SLC25A48: variants seen among roughly 807,000 people sequenced by gnomAD.
The protein encoded by SLC25A48 is CTC-321K16.1.
In SLC25A48, 29 loss-of-function variants were observed where a neutral mutation model predicts 32.2. The observed-to-expected ratio is 0.90, with a 90% CI of 0.67 to 1.23. The LOEUF is 1.23. Among genes scored for constraint, SLC25A48 ranks in the 50% most tolerant of loss-of-function variants. The probability of loss-of-function intolerance (pLI) is 0.00; values close to 1 mark genes in which losing one functional copy is unlikely to be tolerated. For synonymous variants in SLC25A48, 164 were observed against 172.3 expected (o/e 0.95, Z 0.38); for missense variants, 399 against 422.7 (o/e 0.94, Z 0.49).
chr5:135,870,682 C>T (rs781259656), intron 4 of SLC25A48, among the ~76,000 whole-genome samples: 3 of 152,120 alleles, frequency 2.0e-5, no homozygotes, highest in Non-Finnish European at 4.4e-5. Flanking sequence ...GTCCTGCCAC[C>T]AATTCATGTC....
chr5:135,642,792 A>G (rs918479375), intron 3 of SLC25A48, among the ~76,000 whole-genome samples: 4 of 152,104 alleles, frequency 2.6e-5, no homozygotes, highest in African/African-American at 9.7e-5. Flanking sequence ...ACAAAAGGGG[A>G]ACTGAGGATG....
intron 3 of SLC25A48, among the ~76,000 whole-genome samples, chr5:135,660,919 T>C (rs911474175): frequency 6.6e-6 from 1 of 152,124 alleles, no homozygotes; most frequent in African/African-American, 2.4e-5. Flanking sequence ...ACTCAGTAAT[T>C]GTTGGTTATG....
intron 3 of SLC25A48, among the ~76,000 whole-genome samples, chr5:135,757,697 AT>A (rs1163152832): frequency 4.0e-5 from 6 of 149,948 alleles, no homozygotes; most frequent in African/African-American, 2.4e-5. Flanking sequence ...TATTAATAAA[AT>A]ATCATCTAGA....
intron 2 of SLC25A48, among the ~76,000 whole-genome samples, chr5:135,630,163 G>C (rs1752523560): frequency 6.6e-6 from 1 of 152,198 alleles, no homozygotes; most frequent in African/African-American, 2.4e-5. Flanking sequence ...GCAGGCCATA[G>C]TCACCTTTCT....
intron 5 of SLC25A48, chr5:135,872,178 C>T (rs1341701686): frequency 2.7e-6 from 1 of 367,042 alleles, no homozygotes; most frequent in Middle Eastern, 7.2e-4. Context: ...CAGGACTCTG[C>T]AGTCAGAAAG....
chr5:135,847,167 T>C (rs1351469303), intron 2 of SLC25A48, among the ~76,000 whole-genome samples: 1 of 152,220 alleles, frequency 6.6e-6, no homozygotes, highest in Non-Finnish European at 1.5e-5. Context: ...GCACTGAAGC[T>C]GGGCTAGGGA....
chr5:135,866,005 T>C (rs1393353257), intron 4 of SLC25A48, among the ~76,000 whole-genome samples: 1 of 152,240 alleles, frequency 6.6e-6, no homozygotes, highest in African/African-American at 2.4e-5. Flanking sequence ...CAATGCATAA[T>C]GCTCATGGAT....
At chr5:135,884,221 T>A (rs1029815038) in intron 7 of SLC25A48, among the ~76,000 whole-genome samples, 8 of 152,168 alleles carry the variant, frequency 5.3e-5, no homozygotes, top group African/African-American at 1.9e-4. Context: ...TTGGGCCATG[T>A]CTCTGAAAAA....
chr5:135,847,195 C>A (rs1417298334), intron 2 of SLC25A48, among the ~76,000 whole-genome samples: 7 of 152,198 alleles, frequency 4.6e-5, no homozygotes, highest in Admixed American at 1.3e-4. Flanking sequence ...TCTCTTCTCT[C>A]TTGCCTTTCA....
At chr5:135,676,860 T>C (rs1262463061) in intron 3 of SLC25A48, among the ~76,000 whole-genome samples, 1 of 152,064 alleles carries the variant, frequency 6.6e-6, no homozygotes, top group Non-Finnish European at 1.5e-5. Context: ...TTGAGATTTG[T>C]TTTGTGTCTT....
rs138516402 is a variant in SLC25A48 at position 135,806,783 on chromosome 5, G to C, written c.-520-5740G>C. Among the ~76,000 whole-genome samples, 145 of 149,224 alleles carry C rather than the reference G, an allele frequency of 9.7e-4. No homozygotes were observed. The South Asian group carries it at 0.014, about 14-fold the overall frequency. On this transcript the variant is annotated intron_variant, in intron 3 of 10. Transcript: ENST00000646290. ...TTAATATCATAGTGTGTTAAAACTA[G>C]ACATTATAAATATCATTATATTTTA...
chr5:135,621,369 TCAAA>T (rs1752321466), intron 1 of SLC25A48, among the ~76,000 whole-genome samples: 1 of 152,184 alleles, frequency 6.6e-6, no homozygotes, highest in Non-Finnish European at 1.5e-5. Context: ...TATGGGAATA[TCAAA>T]CAAAATTCTA....
chr5:135,879,716 C>G (rs1283927038), intron 6 of SLC25A48, among the ~76,000 whole-genome samples: 2 of 152,000 alleles, frequency 1.3e-5, no homozygotes, highest in Non-Finnish European at 2.9e-5. Flanking sequence ...TTGCCTGGCC[C>G]AACAGCTTAC....
Position 135,721,032 on chromosome 5 carries a change from C to T in SLC25A48, c.-521+86076C>T, listed in dbSNP as rs150547528. Among the ~76,000 whole-genome samples, 89 of 151,626 alleles carry T rather than the reference C, an allele frequency of 5.9e-4. No individual in the cohort carries two copies. The East Asian group carries it at 0.017, about 28-fold the overall frequency. On this transcript the variant is annotated intron_variant, in intron 3 of 10. Transcript: ENST00000646290. ...GCTAGAGGGCTCTGAGCTCCCATTC[C>T]CTTTTTTATTTTTATTTTTATTTAT...
At chr5:135,626,816 A>G (rs1474314594) in intron 1 of SLC25A48, among the ~76,000 whole-genome samples, 4 of 152,090 alleles carry the variant, frequency 2.6e-5, no homozygotes, top group Non-Finnish European at 5.9e-5. Flanking sequence ...CCCTGGACAT[A>G]TTGCCAAGTT....
intron 3 of SLC25A48, among the ~76,000 whole-genome samples, chr5:135,696,651 C>A (rs149525195): frequency 5.9e-4 from 90 of 152,354 alleles, no homozygotes; most frequent in African/African-American, 2.1e-3. Context: ...GAGGCAGGTT[C>A]TAACCTTGGA....
At chr5:135,867,961 G>A (rs1260131072) in intron 4 of SLC25A48, among the ~76,000 whole-genome samples, 2 of 152,188 alleles carry the variant, frequency 1.3e-5, no homozygotes, top group Non-Finnish European at 2.9e-5. Flanking sequence ...TGAAAATCAG[G>A]AGAGGATAGT....
intron 4 of SLC25A48, among the ~76,000 whole-genome samples, chr5:135,820,373 C>T (rs1757853038): frequency 6.6e-6 from 1 of 152,118 alleles, no homozygotes; most frequent in Non-Finnish European, 1.5e-5. Flanking sequence ...TATCAAAAAG[C>T]ACATCAGTGG....
intron 3 of SLC25A48, among the ~76,000 whole-genome samples, chr5:135,673,932 C>A (rs1455526281): frequency 2.0e-5 from 3 of 151,222 alleles, no homozygotes; most frequent in African/African-American, 4.9e-5. Flanking sequence ...TTTTCCCCCC[C>A]ATGGTATTTG....
Sources: gnomAD v4.1 joint callset for allele counts (sites outside exome capture counted in the v4.1 genomes callset) on GRCh38, gnomAD v4.1.1 for gene constraint, MANE v1.5 for transcripts, NCBI Gene and HGNC (gene_info 2026-07-23, HGNC 2026-07-21) for gene names.